Variants in CDKN2B-AS1 observed in about 807,000 individuals in gnomAD.
The protein encoded by CDKN2B-AS1 is CDKN2B and CDKN2A antisense cis and trans regulatory RNA 1.
intron 1 of CDKN2B-AS1, among the ~76,000 whole-genome samples, chr9:22,016,122 G>T (rs1821744522): frequency 6.6e-6 from 1 of 152,006 alleles, no homozygotes. Flanking sequence ...TGTCAATTTT[G>T]GCTTTTGTTG....
chr9:22,117,374 C>A (rs1023283699), intron 4 of CDKN2B-AS1, among the ~76,000 whole-genome samples: 1 of 152,138 alleles, frequency 6.6e-6, no homozygotes, highest in Non-Finnish European at 1.5e-5. Context: ...GATATGACAA[C>A]CCCTCCTCCC....
intron 1 of CDKN2B-AS1, among the ~76,000 whole-genome samples, chr9:22,032,227 G>A (rs550358902): frequency 1.3e-5 from 2 of 152,238 alleles, no homozygotes; most frequent in South Asian, 2.1e-4. Flanking sequence ...ATTCAGTGGA[G>A]GTAGAATCAT....
At chr9:22,120,218 T>C (rs1022127371) in intron 4 of CDKN2B-AS1, 2 of 152,246 alleles carry the variant, frequency 1.3e-5, no homozygotes, top group African/African-American at 4.8e-5. Flanking sequence ...AGACAGCAAG[T>C]TGAACATTGT....
At chr9:22,068,521 C>T (rs560735660) in intron 4 of CDKN2B-AS1, among the ~76,000 whole-genome samples, 5 of 152,162 alleles carry the variant, frequency 3.3e-5, no homozygotes, top group Admixed American at 1.3e-4. Flanking sequence ...TGACAGAGAG[C>T]GTGGTTTACA....
At position 22,088,901 on chromosome 9, in the gene CDKN2B-AS1, G is replaced by A. The variant is rs189439098; in HGVS notation, n.438+32514G>A. The stretch of plus-strand genomic sequence containing the variant: ...TCCCTTTGCTAAAATAAACAGAAGT[G>A]ACTGGGAACTTTGGATTGCCTTTGT... On this transcript the variant is annotated intron_variant and non_coding_transcript_variant, in intron 4 of 4. Coordinates refer to ENST00000650946, the Ensembl canonical transcript of CDKN2B-AS1. 2.6e-5 allele frequency among the ~76,000 whole-genome samples: 4 copies of A among 152,324 alleles called. No homozygotes were observed. The East Asian group carries it at 7.7e-4, about 29-fold the overall frequency.
At chr9:22,103,610 G>A (rs1399550507) in intron 4 of CDKN2B-AS1, among the ~76,000 whole-genome samples, 1 of 152,108 alleles carries the variant, frequency 6.6e-6, no homozygotes, top group East Asian at 1.9e-4. Context: ...CTCCTCCTGA[G>A]AAAGAATGTA....
At chr9:22,033,895 A>T (rs1822580303) in intron 1 of CDKN2B-AS1, among the ~76,000 whole-genome samples, 1 of 152,216 alleles carries the variant, frequency 6.6e-6, no homozygotes, top group Admixed American at 6.5e-5. Context: ...TGAAAAACCA[A>T]CTACATTTAT....
chr9:22,033,363 C>A (rs73652841), intron 1 of CDKN2B-AS1, among the ~76,000 whole-genome samples: 4,870 of 152,182 alleles, frequency 0.032, 213 homozygotes, highest in African/African-American at 0.096. Flanking sequence ...GGGAGGAGTA[C>A]ATACGGACGA....
At chr9:22,028,514 C>G (rs1243726668) in intron 1 of CDKN2B-AS1, among the ~76,000 whole-genome samples, 1 of 152,058 alleles carries the variant, frequency 6.6e-6, no homozygotes, top group Non-Finnish European at 1.5e-5. Context: ...TCAGTATCAT[C>G]ATGATGGCAG....
chr9:22,055,082 A>G (rs2131288394), intron 3 of CDKN2B-AS1, among the ~76,000 whole-genome samples: 1 of 152,290 alleles, frequency 6.6e-6, no homozygotes, highest in South Asian at 2.1e-4. Context: ...TTAAATTCAT[A>G]TTTGTTATTT....
At chr9:22,126,574 C>CTTTTT (rs34700018) in intron 4 of CDKN2B-AS1, among the ~76,000 whole-genome samples, 1,067 of 104,838 alleles carry the variant, frequency 0.01, 85 homozygotes, top group African/African-American at 0.036. Context: ...TAAGTGGATT[C>CTTTTT]TTTTTTTTTT....
At chr9:22,009,176 C>T (rs369032987) in intron 1 of CDKN2B-AS1, 2 of 653,424 alleles carry the variant, frequency 3.1e-6, no homozygotes, top group Non-Finnish European at 5.3e-6. Context: ...GCTCAAGAAC[C>T]AGCGGGCGCG....
chr9:22,103,476 T>C (rs1285585245), intron 4 of CDKN2B-AS1, among the ~76,000 whole-genome samples: 1 of 152,070 alleles, frequency 6.6e-6, no homozygotes, highest in Non-Finnish European at 1.5e-5. Context: ...AGCTTCGAAG[T>C]TGCTGCCCTC....
At chr9:22,018,843 A>T (rs1480912721) in intron 1 of CDKN2B-AS1, among the ~76,000 whole-genome samples, 1 of 152,230 alleles carries the variant, frequency 6.6e-6, no homozygotes. Flanking sequence ...CCCAATAAAT[A>T]TCATACACTA....
chr9:22,098,125 A>G (rs73650048), intron 4 of CDKN2B-AS1, among the ~76,000 whole-genome samples: 4,835 of 151,718 alleles, frequency 0.032, 217 homozygotes, highest in African/African-American at 0.11. Flanking sequence ...GAATGTTGAT[A>G]ATGTAGATGG....
intron 1 of CDKN2B-AS1, among the ~76,000 whole-genome samples, chr9:22,040,935 A>G (rs975099114): frequency 7.9e-5 from 12 of 152,018 alleles, no homozygotes; most frequent in African/African-American, 2.9e-4. Context: ...GCCAGAATGT[A>G]TCTCTAGGCT....
intron 1 of CDKN2B-AS1, among the ~76,000 whole-genome samples, chr9:22,026,585 C>T (rs1822247760): frequency 6.6e-6 from 1 of 152,188 alleles, no homozygotes; most frequent in Non-Finnish European, 1.5e-5. Context: ...TGGGTCTTAT[C>T]CTGTGAGGCG....
intron 4 of CDKN2B-AS1, among the ~76,000 whole-genome samples, chr9:22,074,954 A>G (rs1490482963): frequency 6.6e-6 from 1 of 152,254 alleles, no homozygotes; most frequent in Non-Finnish European, 1.5e-5. Flanking sequence ...TTGGTGGTGG[A>G]AGAGAGAATT....
intron 4 of CDKN2B-AS1, among the ~76,000 whole-genome samples, chr9:22,067,557 C>A (rs1364128456): frequency 1.3e-5 from 2 of 151,950 alleles, no homozygotes; most frequent in Non-Finnish European, 2.9e-5. Context: ...CACACACACG[C>A]ACGCACACAC....
Sources: gnomAD v4.1 joint callset for allele counts (sites outside exome capture counted in the v4.1 genomes callset) on GRCh38, gnomAD v4.1.1 for gene constraint, MANE v1.5 for transcripts, NCBI Gene and HGNC (gene_info 2026-07-23, HGNC 2026-07-21) for gene names.